The following FAM228B variants were observed in gnomAD, a reference collection of about 807,000 sequenced individuals.
The protein encoded by FAM228B is protein FAM228B.
FAM228B carries 38 observed loss-of-function variants against 42.6 expected under a neutral mutation model. The observed-to-expected ratio is 0.89, with a 90% CI of 0.69 to 1.17. The LOEUF (loss-of-function observed/expected upper bound fraction) is 1.17. Ranked by LOEUF, FAM228B falls within the 50% of genes most tolerant of loss-of-function variation. The pLI is 0.00. For missense variants in FAM228B, 344 were observed against 367.3 expected, an observed-to-expected ratio of 0.94 and a Z score of 0.52; for synonymous variants, 109 against 122.3, an observed-to-expected ratio of 0.89 and a Z score of 0.72.
chr2:24,166,160 C>T (rs1667407066), intron 9 of FAM228B: 1 of 149,360 alleles, frequency 6.7e-6, no homozygotes, highest in Non-Finnish European at 1.5e-5. Flanking sequence ...GATGGTTAAA[C>T]TTGGTGGCCA....
At chr2:24,145,459 C>T (rs1459722311) in intron 5 of FAM228B, among the ~76,000 whole-genome samples, 3 of 152,166 alleles carry the variant, frequency 2.0e-5, no homozygotes, top group East Asian at 1.9e-4. Context: ...ACCATAGACA[C>T]GTCTCCAGGA....
intron 3 of FAM228B, among the ~76,000 whole-genome samples, chr2:24,135,917 A>C (rs10200175): frequency 0.12 from 16,951 of 146,822 alleles, 1,158 homozygotes; most frequent in South Asian, 0.18. Flanking sequence ...AGGTTATGCC[A>C]CACTTCTGCC....
At chr2:24,162,525 G>C (rs771973999) in intron 8 of FAM228B, among the ~76,000 whole-genome samples, 9 of 152,160 alleles carry the variant, frequency 5.9e-5, no homozygotes, top group Non-Finnish European at 1.2e-4. Context: ...AGTTTCTCAA[G>C]ATGTTAAACA....
In FAM228B at chr2:24,156,771, TCCGCCCC is replaced by T. The variant is rs1427097909; in HGVS notation, c.687-4732_687-4726del. Among the ~76,000 whole-genome samples the T allele has an allele frequency of 2.2e-3, 286 of 132,658 alleles. 6 individuals carry two copies. The highest frequency in any genetic ancestry group is 5.7e-3 in the African/African-American group (183 of 32,170). 87.0% of individuals were successfully genotyped at this position (132,658 alleles called of 152,430 possible). A position where few individuals can be genotyped will look rare whatever the true frequency, so the allele number is the denominator to read the frequency against. On this transcript the variant is annotated intron_variant, in intron 7 of 10. Coordinates refer to ENST00000615575, the MANE Select transcript of FAM228B (RefSeq NM_001145710.2). Reference sequence around the variant, plus strand: ...TACCAGACACTGTTATACATTTCTTTCCGCCCCCCCCCCCCCAGCTTTTTGTTTCATT... The same window carrying T: ...TACCAGACACTGTTATACATTTCTTTCCCCCCCCCAGCTTTTTGTTTCATT...
At chr2:24,090,133 T>G (rs1665355966) in intron 2 of FAM228B, among the ~76,000 whole-genome samples, 1 of 151,450 alleles carries the variant, frequency 6.6e-6, no homozygotes, top group Non-Finnish European at 1.5e-5. Flanking sequence ...GCCGGGGTGG[T>G]GGCTGGCGCC....
chr2:24,132,651 C>T (rs752674222), intron 2 of FAM228B, among the ~76,000 whole-genome samples: 7 of 151,466 alleles, frequency 4.6e-5, no homozygotes, highest in Non-Finnish European at 1.0e-4. Flanking sequence ...AGTTGGTCTC[C>T]ATTGATTGTT....
chr2:24,147,103 T>C lies in FAM228B; in HGVS notation c.686+17T>C. 2 of 1,496,504 alleles carry C rather than the reference T, an allele frequency of 1.3e-6. No individual in the cohort carries two copies. Among genetic ancestry groups the C allele is most frequent in the Non-Finnish European group, 1.8e-6 (2 of 1,107,946 alleles). The allele number at this position is 1,496,504 out of a possible 1,614,324, so 92.7% of individuals were successfully genotyped here. On this transcript the variant is annotated intron_variant, in intron 7 of 10. Coordinates refer to ENST00000615575, the MANE Select transcript of FAM228B (RefSeq NM_001145710.2). Reference sequence around the variant, plus strand: ...AAGGAGAAGGTAATGGTTAATATACTAGAAATTATAGAACCTTTTGGACTT... The same window carrying C: ...AAGGAGAAGGTAATGGTTAATATACCAGAAATTATAGAACCTTTTGGACTT...
chr2:24,153,810 A>G (rs1479661283), intron 7 of FAM228B, among the ~76,000 whole-genome samples: 14 of 152,152 alleles, frequency 9.2e-5, no homozygotes. Flanking sequence ...TGCCTTTCAA[A>G]TTTACCTAGG....
intron 6 of FAM228B, 46 bp downstream of exon 6, chr2:24,146,881 T>C (rs771952639): frequency 6.5e-7 from 1 of 1,539,066 alleles, no homozygotes; most frequent in South Asian, 1.2e-5. Flanking sequence ...CCAAGAGCAA[T>C]GGCAGATGCA....
intron 2 of FAM228B, among the ~76,000 whole-genome samples, chr2:24,127,693 C>T (rs764161051): frequency 6.6e-6 from 1 of 151,246 alleles, no homozygotes; most frequent in Non-Finnish European, 1.5e-5. Flanking sequence ...AGCTGAGTCT[C>T]ACTCTATCAC....
intron 3 of FAM228B, among the ~76,000 whole-genome samples, chr2:24,100,192 C>T (rs992891570): frequency 6.6e-5 from 10 of 152,188 alleles, no homozygotes; most frequent in Admixed American, 2.6e-4. Flanking sequence ...CAATACCATT[C>T]AGGACGTAGG....
chr2:24,157,713 G>A (rs1163995505), intron 7 of FAM228B, among the ~76,000 whole-genome samples: 3 of 147,336 alleles, frequency 2.0e-5, no homozygotes, highest in Non-Finnish European at 4.5e-5. Context: ...ACTCCAGCCT[G>A]GGTAACAGAG....
chr2:24,166,152 T>C (rs1558397384), intron 9 of FAM228B: 1 of 150,960 alleles, frequency 6.6e-6, no homozygotes, highest in East Asian at 1.9e-4. Flanking sequence ...AAGGTAATGA[T>C]GGTTAAACTT....
upstream of FAM228B, chr2:24,119,712 C>CT (rs1558378172): frequency 6.5e-7 from 1 of 1,534,930 alleles, no homozygotes; most frequent in Admixed American, 1.7e-5. Flanking sequence ...GAATATTCTG[C>CT]TCTTGGTTCT....
At chr2:24,165,669 G>A (rs1667386694) in intron 9 of FAM228B, among the ~76,000 whole-genome samples, 1 of 152,108 alleles carries the variant, frequency 6.6e-6, no homozygotes, top group Non-Finnish European at 1.5e-5. Flanking sequence ...ATATCCTGGT[G>A]CTTGACTCCT....
At chr2:24,150,699 A>G (rs1386706065) in intron 7 of FAM228B, among the ~76,000 whole-genome samples, 2 of 152,206 alleles carry the variant, frequency 1.3e-5, no homozygotes, top group African/African-American at 4.8e-5. Flanking sequence ...TCCTCGGATT[A>G]CAGGCATGAG....
At chr2:24,079,610 A>T in intron 1 of FAM228B, 6 of 1,614,190 alleles carry the variant, frequency 3.7e-6, no homozygotes, top group Non-Finnish European at 4.2e-6. Flanking sequence ...GGATCCGCCT[A>T]TGCAGTCTAG....
chr2:24,118,413 G>A (rs1440107587), intron 3 of FAM228B, among the ~76,000 whole-genome samples: 1 of 152,186 alleles, frequency 6.6e-6, no homozygotes. Context: ...CGCCTTCCCT[G>A]ACTCTGCTAG....
chr2:24,078,233 C>G (rs1664845554), intron 1 of FAM228B, among the ~76,000 whole-genome samples: 1 of 152,064 alleles, frequency 6.6e-6, no homozygotes, highest in Non-Finnish European at 1.5e-5. Context: ...ATTTACTATC[C>G]CTAGCCAGAT....
Sources: allele counts gnomAD v4.1 joint callset (sites outside exome capture counted in the v4.1 genomes callset), GRCh38; gene constraint gnomAD v4.1.1; transcripts MANE v1.5; gene names NCBI Gene and HGNC (gene_info 2026-07-23, HGNC 2026-07-21).